FOXL2: variants seen among roughly 807,000 people sequenced by gnomAD.
FOXL2 encodes the protein forkhead box L2.
A neutral mutation model predicts 2.5 loss-of-function variants in FOXL2; 3 were observed. That is an observed-to-expected ratio of 1.20 (90% CI 0.55 to 3.11). FOXL2 has a LOEUF of 3.11. FOXL2 is among the 30% of genes most tolerant of loss of function. FOXL2 has a pLI of 0.03. For synonymous variants in FOXL2, 315 were observed against 269.4 expected (o/e 1.17, Z -1.66); for missense variants, 512 against 570.0 (o/e 0.90, Z 1.04).
In FOXL2 at chr3:138,946,109, G is replaced by A. The variant is rs758494065; in HGVS notation, c.614C>T (p.Pro205Leu). Residue 205 changes from proline to leucine, a missense_variant, in exon 1 of 1, where the codon CCG becomes CTG. By Grantham distance (98) the Pro-to-Leu change is moderately conservative. This residue lies in a region of FOXL2 where 287 missense variants were observed against 277.4 expected (regional missense o/e 1.03). Coordinates refer to ENST00000648323, the MANE Select transcript of FOXL2 (RefSeq NM_023067.4). ...LQSGFLNNSW[P>L]LPQPPSPMPY... Reference sequence around the variant, plus strand: ...CATGGGTGAGGGAGGCTGCGGTAGCGGCCACGAGTTGTTGAGGAAGCCAGA... The same window carrying A: ...CATGGGTGAGGGAGGCTGCGGTAGCAGCCACGAGTTGTTGAGGAAGCCAGA... The A allele has an allele frequency of 1.4e-6, 2 of 1,479,784 alleles. No individual in the cohort carries two copies. Among genetic ancestry groups the A allele is most frequent in the Non-Finnish European group, 1.8e-6 (2 of 1,123,428 alleles). The allele number at this position is 1,479,784 out of a possible 1,614,324, so 91.7% of individuals were successfully genotyped here.
rs1935965306 is a variant in FOXL2 at position 138,946,195 on chromosome 3, G to A, written c.528C>T (p.Cys176=). The A allele has an allele frequency of 3.3e-6, 5 of 1,496,098 alleles. No individual in the cohort carries two copies. Among genetic ancestry groups the A allele is most frequent in the Non-Finnish European group, 4.4e-6 (5 of 1,128,954 alleles). 92.7% of individuals were successfully genotyped at this position (1,496,098 alleles called of 1,614,324 possible). A position where few individuals can be genotyped will look rare whatever the true frequency, so the allele number is the denominator to read the frequency against. Residue 176 remains cysteine, a synonymous_variant, in exon 1 of 1, where the codon TGC becomes TGT. Coordinates refer to ENST00000648323, the MANE Select transcript of FOXL2 (RefSeq NM_023067.4). ...LFGAGGAAGG[C]GVAGAGADGY... is the part of the protein sequence containing the mutation. ...CGTCGGCCCCGGCGCCCGCCACGCC[G>A]CACCCGCCTGCGGCGCCTCCGGCCC...
Position 138,945,832 on chromosome 3 carries a change from G to C in FOXL2, c.891C>G (p.His297Gln). 1 of 1,214,722 alleles carries C rather than the reference G, an allele frequency of 8.2e-7. No homozygotes were observed. Among genetic ancestry groups the C allele is most frequent in the Non-Finnish European group, 1.0e-6 (1 of 976,710 alleles). 75.2% of individuals were successfully genotyped at this position (1,214,722 alleles called of 1,614,324 possible). The change falls in exon 1 of 1, where the codon CAC becomes CAG. Residue 297 changes from histidine (H) to glutamine (Q), a missense_variant. Physicochemically the swap from His to Gln is conservative, Grantham distance 24 (BLOSUM62 0). Transcript: ENST00000648323. ...PPHPHPHPHA[H>Q]HLHAAAAPPP... ...GCGGTGCGGCGGCCGCGTGCAGATG[G>C]TGTGCGTGCGGATGCGGGTGGGGGT...
At position 138,946,663 on chromosome 3, in the gene FOXL2, G is replaced by T; in HGVS notation, c.60C>A (p.Thr20=). 3.2e-6 allele frequency: 5 copies of T among 1,585,600 alleles called. No individual in the cohort carries two copies. The highest frequency in any genetic ancestry group is 4.3e-6 in the Non-Finnish European group (5 of 1,168,990). ...CTTCTGGCTCCTTGACTGTGCGACC[G>T]GTCTCTGGGGCCAGCAGGGCCCCCG... The part of the protein sequence containing the change: ...DAAGALLAPE[T]GRTVKEPEGP... Residue 20 remains threonine, a synonymous_variant, in exon 1 of 1, where the codon ACC becomes ACA. Transcript: ENST00000648323.
rs1387183071 is a variant in FOXL2, at chr3:138,946,900, TCC to T, written c.-180_-179del. ...CGCTGCTCTCCCCTCTCCTTCCCCT[TCC>T]CCTAGGGAGCGGCCGGCGGGAGTGG... On this transcript the variant is annotated 5_prime_UTR_variant, in exon 1 of 1. Coordinates refer to ENST00000648323, the MANE Select transcript of FOXL2 (RefSeq NM_023067.4). 7 of 940,246 alleles carry T rather than the reference TCC, an allele frequency of 7.4e-6. No homozygotes were observed. The highest frequency in any genetic ancestry group is 1.1e-5 in the Non-Finnish European group (7 of 640,798). The allele number at this position is 940,246 out of a possible 1,614,324, so 58.2% of individuals were successfully genotyped here.
chr3:138,946,989 TC>T lies in FOXL2; in HGVS notation c.-268del. On this transcript the variant is annotated 5_prime_UTR_variant, in exon 1 of 1. Coordinates refer to ENST00000648323, the MANE Select transcript of FOXL2 (RefSeq NM_023067.4). ...AGAGGGGCTCCGGCCTCGCCGCCCC[TC>T]CCCGCTCAGGCCAGTCCCCGCCTTG... 1.8e-6 allele frequency: 1 copy of T among 550,452 alleles called. No individual in the cohort carries two copies. The allele number at this position is 550,452 out of a possible 1,614,324, so 34.1% of individuals were successfully genotyped here. A position where few individuals can be genotyped will look rare whatever the true frequency, so the allele number is the denominator to read the frequency against.
rs1456500624 is a variant in FOXL2, at chr3:138,944,335, AAAC to A, written c.*1254_*1256del. ...TTCTCTCTAGAAAATTTGGTCCCCCAAACAACAAGCTACAGTACAACCAGGTCT... is the reference window on the plus strand; with the variant it reads ...TTCTCTCTAGAAAATTTGGTCCCCCAAACAAGCTACAGTACAACCAGGTCT... On this transcript the variant is annotated 3_prime_UTR_variant, in exon 1 of 1. Transcript: ENST00000648323. 4 of 233,294 alleles carry A rather than the reference AAAC, an allele frequency of 1.7e-5. No individual in the cohort carries two copies. Among genetic ancestry groups the A allele is most frequent in the African/African-American group, 8.8e-5 (4 of 45,336 alleles). 14.5% of individuals were successfully genotyped at this position (233,294 alleles called of 1,614,324 possible). A position where few individuals can be genotyped will look rare whatever the true frequency, so the allele number is the denominator to read the frequency against.
Position 138,945,242 on chromosome 3 carries a change from C to G in FOXL2, c.*350G>C. On this transcript the variant is annotated 3_prime_UTR_variant, in exon 1 of 1. Coordinates refer to ENST00000648323, the MANE Select transcript of FOXL2 (RefSeq NM_023067.4). ...GAGGTCTGCGCTGCCGACGCCCGGT[C>G]GCACCTCCGCCCCGGGCCCTTTCCG... 1.3e-4 allele frequency: 32 copies of G among 244,100 alleles called. No individual in the cohort carries two copies. Among genetic ancestry groups the G allele is most frequent in the Admixed American group, 8.7e-4 (16 of 18,384 alleles). 15.1% of individuals were successfully genotyped at this position (244,100 alleles called of 1,614,324 possible). A position where few individuals can be genotyped will look rare whatever the true frequency, so the allele number is the denominator to read the frequency against.
rs1935991178 is a variant in FOXL2 at position 138,946,891 on chromosome 3, C to T, written c.-169G>A. 1 of 1,006,126 alleles carries T rather than the reference C, an allele frequency of 9.9e-7. No homozygotes were observed. Among genetic ancestry groups the T allele is most frequent in the South Asian group, 1.7e-5 (1 of 60,220 alleles). 62.3% of individuals were successfully genotyped at this position (1,006,126 alleles called of 1,614,324 possible). On this transcript the variant is annotated 5_prime_UTR_variant, in exon 1 of 1. Coordinates refer to ENST00000648323, the MANE Select transcript of FOXL2 (RefSeq NM_023067.4). ...GAGGCCTGTCGCTGCTCTCCCCTCTCCTTCCCCTTCCCCTAGGGAGCGGCC... is the reference window on the plus strand; with the variant it reads ...GAGGCCTGTCGCTGCTCTCCCCTCTTCTTCCCCTTCCCCTAGGGAGCGGCC...
Position 138,946,376 on chromosome 3 carries a change from G to T in FOXL2, c.347C>A (p.Pro116Gln), listed in dbSNP as rs1409604799. 1 of 1,614,100 alleles carries T rather than the reference G, an allele frequency of 6.2e-7. No individual in the cohort carries two copies. The highest frequency in any genetic ancestry group is 8.5e-7 in the Non-Finnish European group (1 of 1,179,974). ...LSLNECFIKV[P>Q]REGGGERKGN... ...CTTGCGCTCGCCGCCGCCCTCGCGC[G>T]GCACCTTGATGAAGCACTCGTTGAG... Residue 116 changes from proline to glutamine, a missense_variant, in exon 1 of 1, where the codon CCG becomes CAG. Pro to Gln is a moderately conservative substitution (Grantham distance 76). Around this residue, in one of 5 missense-constraint regions of FOXL2, gnomAD observed 63 missense variants for 138.9 expected, o/e 0.45. Transcript: ENST00000648323.
chr3:138,946,504 C>A lies in FOXL2; in HGVS notation c.219G>T (p.Lys73Asn). ...GGTAGATGCCGGACAGCGTGAGCCT[C>A]TTCTCCGCGCTCTCGCGGATCGCCA... The part of the protein sequence containing the change: ...IAMAIRESAE[K>N]RLTLSGIYQY... The change falls in exon 1 of 1, where the codon AAG becomes AAT. Residue 73 changes from lysine to asparagine, a missense_variant. Around this residue, in one of 5 missense-constraint regions of FOXL2, gnomAD observed 63 missense variants for 138.9 expected, o/e 0.45. Transcript: ENST00000648323. 1 of 1,614,012 alleles carries A rather than the reference C, an allele frequency of 6.2e-7. No homozygotes were observed.
chr3:138,945,126 C>CA lies in FOXL2; in HGVS notation c.*465dup. 1 of 235,550 alleles carries CA rather than the reference C, an allele frequency of 4.2e-6. No individual in the cohort carries two copies. The highest frequency in any genetic ancestry group is 8.4e-6 in the Non-Finnish European group (1 of 119,264). The allele number at this position is 235,550 out of a possible 1,614,324, so 14.6% of individuals were successfully genotyped here. A position where few individuals can be genotyped will look rare whatever the true frequency, so the allele number is the denominator to read the frequency against. ...TTCTCGGGCAGCGCGGTCCCGCCATCAGTCCTGTCCGGCGCGTCTAGCCAT... is the reference window on the plus strand; with the variant it reads ...TTCTCGGGCAGCGCGGTCCCGCCATCAAGTCCTGTCCGGCGCGTCTAGCCAT... On this transcript the variant is annotated 3_prime_UTR_variant, in exon 1 of 1. Transcript: ENST00000648323.
chr3:138,946,161 A>T lies in FOXL2; in HGVS notation c.562T>A (p.Tyr188Asn). 6.7e-7 allele frequency: 1 copy of T among 1,483,770 alleles called. No homozygotes were observed. Among genetic ancestry groups the T allele is most frequent in the Non-Finnish European group, 8.9e-7 (1 of 1,124,884 alleles). 91.9% of individuals were successfully genotyped at this position (1,483,770 alleles called of 1,614,324 possible). A position where few individuals can be genotyped will look rare whatever the true frequency, so the allele number is the denominator to read the frequency against. ...VAGAGADGYG[Y>N]LAPPKYLQSG... The stretch of plus-strand genomic sequence containing the variant: ...TGCAGGTACTTGGGGGGCGCCAGGT[A>T]GCCGTAGCCGTCGGCCCCGGCGCCC... The change falls in exon 1 of 1, where the codon TAC becomes AAC. Residue 188 changes from tyrosine (Y) to asparagine (N), a missense_variant. Transcript: ENST00000648323.
Position 138,944,470 on chromosome 3 carries a change from A to G in FOXL2, c.*1122T>C, listed in dbSNP as rs952575729. The G allele has an allele frequency of 4.3e-6, 1 of 232,814 alleles. No homozygotes were observed. Among genetic ancestry groups the G allele is most frequent in the African/African-American group, 2.2e-5 (1 of 45,290 alleles). 14.4% of individuals were successfully genotyped at this position (232,814 alleles called of 1,614,324 possible). On this transcript the variant is annotated 3_prime_UTR_variant, in exon 1 of 1. Coordinates refer to ENST00000648323, the MANE Select transcript of FOXL2 (RefSeq NM_023067.4). ...GGTGGGAGAAGCAGGAGGTTTGAAA[A>G]ACAAAAAGCAGGGAGGACGAGCCGT...
chr3:138,945,743 G>A lies in FOXL2; in HGVS notation c.980C>T (p.Pro327Leu). 7.5e-7 allele frequency: 1 copy of A among 1,334,548 alleles called. No individual in the cohort carries two copies. Among genetic ancestry groups the A allele is most frequent in the Non-Finnish European group, 9.8e-7 (1 of 1,024,840 alleles). The allele number at this position is 1,334,548 out of a possible 1,614,324, so 82.7% of individuals were successfully genotyped here. A position where few individuals can be genotyped will look rare whatever the true frequency, so the allele number is the denominator to read the frequency against. Residue 327 changes from proline to leucine, a missense_variant, in exon 1 of 1, where the codon CCA (proline) becomes CTA (leucine). This residue lies in a region of FOXL2 where 287 missense variants were observed against 277.4 expected (regional missense o/e 1.03). Coordinates refer to ENST00000648323, the MANE Select transcript of FOXL2 (RefSeq NM_023067.4). ...GGGCGCCGGGGGCGCGGCGGTGGCT[G>A]GGCTGGCAGGGCTGAGCTGGCCCGG... The part of the protein sequence containing the change: ...PPPGQLSPAS[P>L]ATAAPPAPAP...
At position 138,946,534 on chromosome 3, in the gene FOXL2, G is replaced by T. The variant is rs1935977132; in HGVS notation, c.189C>A (p.Ile63=). The T allele has an allele frequency of 6.2e-7, 1 of 1,613,254 alleles. No homozygotes were observed. The highest frequency in any genetic ancestry group is 8.5e-7 in the Non-Finnish European group (1 of 1,180,002). Residue 63 remains isoleucine (I), a synonymous_variant, in exon 1 of 1, where the codon ATC becomes ATA. Coordinates refer to ENST00000648323, the MANE Select transcript of FOXL2 (RefSeq NM_023067.4). The stretch of plus-strand genomic sequence containing the variant: ...CCGCGCTCTCGCGGATCGCCATGGC[G>T]ATGAGCGCCACGTACGAGTACGGGG... ...QKPPYSYVAL[I]AMAIRESAEK...
In FOXL2 at chr3:138,945,161, G is replaced by C. The variant is rs574101318; in HGVS notation, c.*431C>G. 12 of 245,522 alleles carry C rather than the reference G, an allele frequency of 4.9e-5. No individual in the cohort carries two copies. The East Asian group carries it at 6.1e-4, about 13-fold the overall frequency. The allele number at this position is 245,522 out of a possible 1,614,324, so 15.2% of individuals were successfully genotyped here. On this transcript the variant is annotated 3_prime_UTR_variant, in exon 1 of 1. Transcript: ENST00000648323. ...CGGCGCGTCTAGCCATGGACTGCACGGCAGTCGGGCGGGGAACGCGGAGAG... is the reference window on the plus strand; with the variant it reads ...CGGCGCGTCTAGCCATGGACTGCACCGCAGTCGGGCGGGGAACGCGGAGAG...
In FOXL2 at chr3:138,946,575, C is replaced by G; in HGVS notation, c.148G>C (p.Asp50His). 6.2e-7 allele frequency: 1 copy of G among 1,609,266 alleles called. No individual in the cohort carries two copies. The highest frequency in any genetic ancestry group is 8.5e-7 in the Non-Finnish European group (1 of 1,179,686). ...GAGTACGGGGGCTTCTGCGCCGGGT[C>G]CGGCTTCTCCGGGGCTGTCCCGCCG... The part of the protein sequence containing the change: ...GGGGTAPEKP[D>H]PAQKPPYSYV... The change falls in exon 1 of 1, where the codon GAC becomes CAC. Residue 50 changes from aspartate to histidine, a missense_variant. This residue lies in a region of FOXL2 where 92 missense variants were observed against 77.8 expected (regional missense o/e 1.18). Transcript: ENST00000648323.
At position 138,945,271 on chromosome 3, in the gene FOXL2, T is replaced by TA; in HGVS notation, c.*320_*321insT. 1 of 254,872 alleles carries TA rather than the reference T, an allele frequency of 3.9e-6. No homozygotes were observed. Among genetic ancestry groups the TA allele is most frequent in the Non-Finnish European group, 7.5e-6 (1 of 134,202 alleles). 15.8% of individuals were successfully genotyped at this position (254,872 alleles called of 1,614,324 possible). On this transcript the variant is annotated 3_prime_UTR_variant, in exon 1 of 1. Coordinates refer to ENST00000648323, the MANE Select transcript of FOXL2 (RefSeq NM_023067.4). ...CCTCCGCCCCGGGCCCTTTCCGCGG[T>TA]GAATTTGGGCAGGAGACGCTGGGGC...
At position 138,946,230 on chromosome 3, in the gene FOXL2, C is replaced by T. The variant is rs1935966936; in HGVS notation, c.493G>A (p.Gly165Arg). The T allele has an allele frequency of 1.9e-6, 3 of 1,553,852 alleles. No homozygotes were observed. The highest frequency in any genetic ancestry group is 1.4e-5 in the African/African-American group (1 of 72,786). ...GCGGCGCCTCCGGCCCCGAAGAGCC[C>T]CTTGCCGGGCTGGAAGTGCGCGGGC... Reference protein sequence around the residue: ...PPPAHFQPGKGLFGAGGAAGG... With the variant: ...PPPAHFQPGKRLFGAGGAAGG... Residue 165 changes from glycine (G) to arginine (R), a missense_variant, in exon 1 of 1, where the codon GGG (glycine) becomes AGG (arginine). Gly to Arg is a moderately radical substitution (Grantham distance 125, BLOSUM62 -2). This residue lies in a region of FOXL2 where 287 missense variants were observed against 277.4 expected (regional missense o/e 1.03). Coordinates refer to ENST00000648323, the MANE Select transcript of FOXL2 (RefSeq NM_023067.4).
Sources: gnomAD v4.1 joint callset for allele counts on GRCh38, gnomAD v4.1.1 for gene constraint, gnomAD v4.1.1 regional missense constraint, MANE v1.5 for transcripts, NCBI Gene and HGNC (gene_info 2026-07-23, HGNC 2026-07-21) for gene names.